ZEB1: variants seen among roughly 807,000 people sequenced by gnomAD.
ZEB1 encodes the protein zinc finger E-box binding homeobox 1, also known as zinc finger E-box-binding homeobox 1.
In ZEB1, 21 loss-of-function variants were observed where a neutral mutation model predicts 84.9. The observed-to-expected ratio is 0.25, with a 90% CI of 0.18 to 0.36. The LOEUF (loss-of-function observed/expected upper bound fraction) is 0.36, where lower values mean the gene tolerates loss of function less well. ZEB1 is among the 10% of genes least tolerant of loss of function. The pLI is 1.00. For missense variants in ZEB1, 1,104 were observed against 1,330.2 expected (o/e 0.83, Z 2.65); for synonymous variants, 420 against 471.1 (o/e 0.89, Z 1.41).
chr10:31,450,873 C>CGT lies in ZEB1; in HGVS notation c.59-10148_59-10147dup, dbSNP rs137905132. 8.6e-3 allele frequency among the ~76,000 whole-genome samples: 1,279 copies of CGT among 149,506 alleles called. 21 individuals carry two copies. The highest frequency in any genetic ancestry group is 0.029 in the African/African-American group (1,189 of 41,048). ...ATTGCATATTTTATTTAGGACTGAG[C>CGT]GTGTGTGTGTGTGTGTGCGTGCGTG... is the stretch of plus-strand genomic sequence containing the variant. On this transcript the variant is annotated intron_variant, in intron 1 of 8. Transcript: ENST00000424869.
Position 31,505,690 on chromosome 10 carries a change from CA to C in ZEB1, c.484+3188del, listed in dbSNP as rs1565151791. Among the ~76,000 whole-genome samples, 3 of 151,688 alleles carry C rather than the reference CA, an allele frequency of 2.0e-5. No individual in the cohort carries two copies. The South Asian group carries it at 6.2e-4, about 32-fold the overall frequency. On this transcript the variant is annotated intron_variant, in intron 4 of 8. Coordinates refer to ENST00000424869, the MANE Select transcript of ZEB1 (RefSeq NM_001174096.2). ...TGGTTTATCAGTTTTGTTACCTTTT[CA>C]AAAAAACCAACTTTTTGTTTTGTTA... is the stretch of plus-strand genomic sequence containing the variant.
intron 2 of ZEB1, among the ~76,000 whole-genome samples, chr10:31,467,526 TG>T (rs1433491731): frequency 1.3e-5 from 2 of 151,936 alleles, no homozygotes; most frequent in Non-Finnish European, 2.9e-5. Flanking sequence ...TGCTGTGGAG[TG>T]GGACCCACAG....
At chr10:31,368,032 A>G (rs890743326) in intron 1 of ZEB1, among the ~76,000 whole-genome samples, 3 of 151,998 alleles carry the variant, frequency 2.0e-5, no homozygotes, top group African/African-American at 7.2e-5. Flanking sequence ...ATGTGTGTCT[A>G]TATGTATAGT....
At chr10:31,395,548 A>G (rs1003540516) in intron 1 of ZEB1, among the ~76,000 whole-genome samples, 1 of 152,200 alleles carries the variant, frequency 6.6e-6, no homozygotes, top group Admixed American at 6.6e-5. Flanking sequence ...GGACTGAAGT[A>G]AATATTCATG....
intron 1 of ZEB1, among the ~76,000 whole-genome samples, chr10:31,444,327 G>A (rs2059470361): frequency 6.9e-6 from 1 of 144,798 alleles, no homozygotes; most frequent in Admixed American, 6.9e-5. Context: ...TTTGTCAGAT[G>A]AGTAGGTTGC....
intron 1 of ZEB1, among the ~76,000 whole-genome samples, chr10:31,377,673 C>T (rs886784135): frequency 5.2e-4 from 79 of 151,778 alleles, no homozygotes; most frequent in African/African-American, 1.8e-3. Flanking sequence ...CATCACTTTG[C>T]GATCTTTTCA....
At chr10:31,486,721 T>G (rs2065814236) in intron 2 of ZEB1, among the ~76,000 whole-genome samples, 1 of 151,598 alleles carries the variant, frequency 6.6e-6, no homozygotes, top group Admixed American at 6.6e-5. Context: ...TAGTAAAGAC[T>G]ACTGTAGCTT....
chr10:31,449,080 G>A (rs1263456050), intron 1 of ZEB1, among the ~76,000 whole-genome samples: 2 of 152,242 alleles, frequency 1.3e-5, no homozygotes, highest in East Asian at 3.8e-4. Context: ...GTGGGCGTAG[G>A]ACCCTCTGAG....
intron 4 of ZEB1, among the ~76,000 whole-genome samples, chr10:31,503,078 T>G (rs903272049): frequency 2.6e-5 from 4 of 151,994 alleles, no homozygotes; most frequent in Non-Finnish European, 5.9e-5. Flanking sequence ...ATCAAAGAAA[T>G]GAAAGGGAAA....
chr10:31,336,048 T>G lies in ZEB1; in HGVS notation c.58+16756T>G, dbSNP rs926023476. 3.3e-5 allele frequency among the ~76,000 whole-genome samples: 5 copies of G among 152,148 alleles called. No individual in the cohort carries two copies. The East Asian group carries it at 9.6e-4, about 29-fold the overall frequency. On this transcript the variant is annotated intron_variant, in intron 1 of 8. Coordinates refer to ENST00000424869, the MANE Select transcript of ZEB1 (RefSeq NM_001174096.2). Reference sequence around the variant, plus strand: ...ATCTTTATGGAGAAATTATGAAACATTGGCAGACATAAAGATCTAATTAAA... The same window carrying G: ...ATCTTTATGGAGAAATTATGAAACAGTGGCAGACATAAAGATCTAATTAAA...
At chr10:31,343,623 A>C (rs1223645146) in intron 1 of ZEB1, among the ~76,000 whole-genome samples, 1 of 152,126 alleles carries the variant, frequency 6.6e-6, no homozygotes, top group African/African-American at 2.4e-5. Context: ...CTCTTAGGAA[A>C]TTCAGAGTTA....
intron 2 of ZEB1, among the ~76,000 whole-genome samples, chr10:31,482,371 C>T (rs1318465490): frequency 6.6e-6 from 1 of 151,466 alleles, no homozygotes; most frequent in Non-Finnish European, 1.5e-5. Flanking sequence ...ACAGAAGCAA[C>T]TTGTCAAAGA....
chr10:31,376,511 T>C (rs930026398), intron 1 of ZEB1, among the ~76,000 whole-genome samples: 6 of 151,774 alleles, frequency 4.0e-5, no homozygotes, highest in Non-Finnish European at 7.4e-5. Context: ...GCATATTATA[T>C]ACATTATAAA....
At chr10:31,319,568 T>G in intron 1 of ZEB1, 2 of 414,892 alleles carry the variant, frequency 4.8e-6, no homozygotes, top group Non-Finnish European at 8.4e-6. Context: ...CCCTGGACCG[T>G]TAGCCGGCGC....
intron 1 of ZEB1, among the ~76,000 whole-genome samples, chr10:31,341,018 G>A (rs2039253986): frequency 6.6e-6 from 1 of 152,136 alleles, no homozygotes; most frequent in African/African-American, 2.4e-5. Context: ...TGAGTCTGGA[G>A]AGATACGAAA....
intron 1 of ZEB1, among the ~76,000 whole-genome samples, chr10:31,376,945 A>G (rs566741151): frequency 7.4e-4 from 113 of 151,848 alleles, no homozygotes; most frequent in African/African-American, 2.5e-3. Flanking sequence ...AGTGGTATGT[A>G]AAGAGCTTTT....
chr10:31,438,781 G>A (rs1256186111), intron 1 of ZEB1, among the ~76,000 whole-genome samples: 3 of 152,170 alleles, frequency 2.0e-5, no homozygotes, highest in Non-Finnish European at 2.9e-5. Context: ...CAGTACACAG[G>A]TGCAGTGAGC....
Position 31,511,204 on chromosome 10 carries a change from A to G in ZEB1, c.687+329A>G, listed in dbSNP as rs574114123. Among the ~76,000 whole-genome samples the G allele has an allele frequency of 8.5e-5, 13 of 152,322 alleles. No individual in the cohort carries two copies. The South Asian group carries it at 2.7e-3, about 32-fold the overall frequency. On this transcript the variant is annotated intron_variant, in intron 5 of 8. Coordinates refer to ENST00000424869, the MANE Select transcript of ZEB1 (RefSeq NM_001174096.2). Reference sequence around the variant, plus strand: ...TAAATTGCATTCTATTAAAATGTTCAGTGTAGGAAAAATAAGTACTGACTA... The same window carrying G: ...TAAATTGCATTCTATTAAAATGTTCGGTGTAGGAAAAATAAGTACTGACTA...
chr10:31,387,144 A>C, intron 1 of ZEB1: 1 of 985,820 alleles, frequency 1.0e-6, no homozygotes. Flanking sequence ...AACTTCCACC[A>C]CAAGAGGAAT....
Sources: gnomAD v4.1 joint callset for allele counts (sites outside exome capture counted in the v4.1 genomes callset) on GRCh38, gnomAD v4.1.1 for gene constraint, MANE v1.5 for transcripts, NCBI Gene and HGNC (gene_info 2026-07-23, HGNC 2026-07-21) for gene names.